The following GART variants were observed in gnomAD, a reference collection of about 807,000 sequenced individuals.
GART encodes the protein phosphoribosylglycinamide formyltransferase, phosphoribosylglycinamide synthetase, phosphoribosylaminoimidazole synthetase.
A neutral mutation model predicts 107.2 loss-of-function variants in GART; 43 were observed. That is an observed-to-expected ratio of 0.40 (90% CI 0.31 to 0.52). GART has a LOEUF of 0.52. Ranked by LOEUF, GART falls within the 20% of genes least tolerant of loss-of-function variation. GART has a pLI of 0.52. For synonymous variants in GART, 434 were observed against 427.0 expected, an observed-to-expected ratio of 1.02 and a Z score of -0.20; for missense variants, 1,107 against 1,206.5, an observed-to-expected ratio of 0.92 and a Z score of 1.22.
At chr21:33,539,396 A>G in intron 1 of GART, 40 bp from the exon 2 acceptor site, 1 of 1,500,784 alleles carries the variant, frequency 6.7e-7, no homozygotes, top group East Asian at 2.4e-5. Flanking sequence ...TAGGATGCAC[A>G]TTTTAGAAAC....
intron 10 of GART, 62 bp from the exon 11 acceptor site, chr21:33,525,062 G>T: frequency 1.3e-6 from 2 of 1,516,010 alleles, no homozygotes; most frequent in South Asian, 1.3e-5. Flanking sequence ...ACCGTGAAGT[G>T]ATTTACGATT....
intron 14 of GART, 45 bp downstream of exon 14, chr21:33,520,319 C>A: frequency 6.3e-7 from 1 of 1,576,944 alleles, no homozygotes. Context: ...GGCTAAAACA[C>A]AAAAAGAAGA....
chr21:33,538,339 C>A (rs2085343410), intron 2 of GART, among the ~76,000 whole-genome samples: 1 of 151,178 alleles, frequency 6.6e-6, no homozygotes, highest in Non-Finnish European at 1.5e-5. Context: ...AGGTTCTCAT[C>A]TTACTCTGTT....
chr21:33,533,251 A>G (rs1379449480), intron 4 of GART, among the ~76,000 whole-genome samples: 2 of 151,186 alleles, frequency 1.3e-5, no homozygotes, highest in Non-Finnish European at 3.0e-5. Context: ...CATCCTGGCT[A>G]ACACAGTGAA....
At chr21:33,531,682 T>C in intron 5 of GART, 125 bp from the exon 6 acceptor site, 1 of 835,190 alleles carries the variant, frequency 1.2e-6, no homozygotes, top group Non-Finnish European at 1.8e-6. Context: ...GTAATTTTTC[T>C]TTCCCTTTCA....
At position 33,505,670 on chromosome 21, in the gene GART, T is replaced by C. The variant is rs1000792304; in HGVS notation, c.2616A>G (p.Val872=). The change falls in exon 20 of 22, where the codon GTA becomes GTG. Residue 872 remains valine (V), a synonymous_variant. Transcript: ENST00000381815. The part of the protein sequence containing the change: ...VINHKLYKNR[V]EFDSAIDLVL... ...CTAGGTCAATTGCACTGTCAAATTC[T>C]ACACGATTTTTATACAGTTTATGAT... The C allele has an allele frequency of 2.5e-6, 4 of 1,610,366 alleles. No individual in the cohort carries two copies.
In GART at chr21:33,524,826, C is replaced by T; in HGVS notation, c.1241G>A (p.Gly414Glu). ...GCCGACGTCTTTCCTATAAATTGCT[C>T]CCTCAAACTTTATAGCAGCTAGTCC... ...KKGLAAIKFE[G>E]AIYRKDVGFR... The change falls in exon 11 of 22, where the codon GGA (glycine) becomes GAA (glutamate). Residue 414 changes from glycine to glutamate, a missense_variant. Coordinates refer to ENST00000381815, the MANE Select transcript of GART (RefSeq NM_000819.5). 6.2e-7 allele frequency: 1 copy of T among 1,614,216 alleles called. No homozygotes were observed. Among genetic ancestry groups the T allele is most frequent in the Non-Finnish European group, 8.5e-7 (1 of 1,180,022 alleles).
At chr21:33,507,481 A>G (rs751625827) in intron 18 of GART, among the ~76,000 whole-genome samples, 2 of 152,212 alleles carry the variant, frequency 1.3e-5, no homozygotes, top group Non-Finnish European at 2.9e-5. Context: ...GTTTGATAGC[A>G]TAACAGGGTG....
intron 2 of GART, among the ~76,000 whole-genome samples, chr21:33,536,503 C>G (rs1426117312): frequency 6.6e-6 from 1 of 152,198 alleles, no homozygotes; most frequent in East Asian, 1.9e-4. Flanking sequence ...AGGACACATT[C>G]TAAGATCCCT....
chr21:33,510,182 C>T, intron 17 of GART: 1 of 335,256 alleles, frequency 3.0e-6, no homozygotes. Flanking sequence ...ATATATATGA[C>T]TGCCTGCCAG....
At chr21:33,511,163 TG>T in intron 17 of GART, 88 bp downstream of exon 17, 1 of 1,348,162 alleles carries the variant, frequency 7.4e-7, no homozygotes, top group Non-Finnish European at 1.1e-6. Flanking sequence ...CACTAAAAGG[TG>T]GGCAGAAAGC....
intron 4 of GART, 30 bp from the exon 5 acceptor site, chr21:33,532,486 A>G: frequency 6.7e-7 from 1 of 1,489,428 alleles, no homozygotes; most frequent in Non-Finnish European, 9.4e-7. Context: ...GTCAACATCC[A>G]ATAAACCATT....
chr21:33,507,532 T>A (rs2084703539), intron 18 of GART, among the ~76,000 whole-genome samples: 1 of 152,080 alleles, frequency 6.6e-6, no homozygotes, highest in Non-Finnish European at 1.5e-5. Flanking sequence ...TTAAAATAAC[T>A]GGAAGAGGCT....
intron 16 of GART, 53 bp downstream of exon 16, chr21:33,516,936 G>T (rs968600028): frequency 2.0e-6 from 3 of 1,469,156 alleles, no homozygotes; most frequent in Non-Finnish European, 1.9e-6. Flanking sequence ...CTCGCACAAT[G>T]CATTTTTTTC....
chr21:33,515,260 T>C (rs2084853166), intron 16 of GART, among the ~76,000 whole-genome samples: 1 of 152,204 alleles, frequency 6.6e-6, no homozygotes, highest in Non-Finnish European at 1.5e-5. Flanking sequence ...TTATTTTATG[T>C]AAACTCCCTC....
At chr21:33,511,885 C>T (rs1043846372) in intron 16 of GART, among the ~76,000 whole-genome samples, 5 of 152,110 alleles carry the variant, frequency 3.3e-5, no homozygotes, top group South Asian at 2.1e-4. Context: ...TGCATACACT[C>T]CTCAAGAAAA....
rs149192110 is a variant in GART, at chr21:33,519,934, G to A, written c.1702+430C>T. ...AAAGATACTTCTATAAAACTTGGGC[G>A]TATATTATTATTTATGTCACTCTAT... On this transcript the variant is annotated intron_variant, in intron 14 of 21. Coordinates refer to ENST00000381815, the MANE Select transcript of GART (RefSeq NM_000819.5). Among the ~76,000 whole-genome samples the A allele has an allele frequency of 1.6e-4, 24 of 151,658 alleles. No individual in the cohort carries two copies. In the East Asian group the frequency reaches 2.5e-3, roughly 16 times the overall value.
chr21:33,511,480 T>C, intron 16 of GART, 22 bp from the exon 17 acceptor site: 6 of 1,610,364 alleles, frequency 3.7e-6, no homozygotes, highest in South Asian at 1.1e-5. Context: ...AGACACGAAT[T>C]GTTTGATTTT....
At chr21:33,541,347 A>G (rs962294051) in intron 1 of GART, among the ~76,000 whole-genome samples, 3 of 152,186 alleles carry the variant, frequency 2.0e-5, no homozygotes, top group East Asian at 1.9e-4. Flanking sequence ...GGGTTTCACT[A>G]CGTTGGCCAG....
Sources: allele counts gnomAD v4.1 joint callset (sites outside exome capture counted in the v4.1 genomes callset), GRCh38; gene constraint gnomAD v4.1.1; transcripts MANE v1.5; gene names NCBI Gene and HGNC (gene_info 2026-07-23, HGNC 2026-07-21).